The following SLC6A5 variants were observed in gnomAD, a reference collection of about 807,000 sequenced individuals.
SLC6A5 encodes the protein solute carrier family 6 member 5.
In SLC6A5, 58 loss-of-function variants were observed where a neutral mutation model predicts 90.5. The ratio of observed to expected loss-of-function variants is 0.64; its 90% CI spans 0.52 to 0.80. The LOEUF is 0.80. Ranked by LOEUF, SLC6A5 falls within the 30% of genes least tolerant of loss-of-function variation. SLC6A5 has a pLI of 0.00. For missense variants in SLC6A5, 1,015 were observed against 1,017.6 expected (o/e 1.00, Z 0.03); for synonymous variants, 427 against 401.4 (o/e 1.06, Z -0.76).
Position 20,636,313 on chromosome 11 carries a change from G to C in SLC6A5, c.1631G>C (p.Gly544Ala). 6.2e-7 allele frequency: 1 copy of C among 1,607,424 alleles called. No homozygotes were observed. The highest frequency in any genetic ancestry group is 8.5e-7 in the Non-Finnish European group (1 of 1,173,828). The change falls in exon 11 of 16, where the codon GGC (glycine) becomes GCC (alanine). Residue 544 changes from glycine to alanine, a missense_variant. By Grantham distance (60) the Gly-to-Ala change is moderately conservative. Coordinates refer to ENST00000525748, the MANE Select transcript of SLC6A5 (RefSeq NM_004211.5). ...TCTGTCTTGTTCCTTCCAGGGCCAG[G>C]CATTGCATTTGTGGTTTACCCGGAA... ...NIENVADQGPGIAFVVYPEAL... is the reference protein window; with the variant it reads ...NIENVADQGPAIAFVVYPEAL...
At chr11:20,607,400 G>A in intron 4 of SLC6A5, 79 bp from the exon 5 acceptor site, 1 of 1,526,366 alleles carries the variant, frequency 6.6e-7, no homozygotes, top group Non-Finnish European at 9.1e-7. Context: ...CCTAGACCTA[G>A]GTCCCCACCC....
At chr11:20,623,137 G>A (rs564936217) in intron 7 of SLC6A5, among the ~76,000 whole-genome samples, 44 of 152,284 alleles carry the variant, frequency 2.9e-4, no homozygotes, top group African/African-American at 1.0e-3. Flanking sequence ...CAAGGAGGGA[G>A]GAGAGACTGC....
intron 13 of SLC6A5, among the ~76,000 whole-genome samples, chr11:20,643,471 C>T (rs2133815852): frequency 6.6e-6 from 1 of 152,302 alleles, no homozygotes; most frequent in South Asian, 2.1e-4. Flanking sequence ...AAGAAAGCAA[C>T]CTGGAGTGTC....
At position 20,636,370 on chromosome 11, in the gene SLC6A5, G is replaced by A. The variant is rs1590174665; in HGVS notation, c.1688G>A (p.Trp563Ter). The part of the protein sequence containing the change: ...ALTRLPLSPF[W>*]AIIFFLMLLT... ...ACCAGGCTGCCTCTCTCTCCGTTCT[G>A]GGCCATCATCTTTTTCCTGATGCTC... is the stretch of plus-strand genomic sequence containing the variant. Residue 563 changes from tryptophan to a stop codon, truncating the protein, a stop_gained, in exon 11 of 16, where the codon TGG (tryptophan) becomes TAG (stop). Transcript: ENST00000525748. LOFTEE classifies it high-confidence loss of function. 1 of 1,613,924 alleles carries A rather than the reference G, an allele frequency of 6.2e-7. No homozygotes were observed. Among genetic ancestry groups the A allele is most frequent in the Non-Finnish European group, 8.5e-7 (1 of 1,179,844 alleles).
At position 20,601,349 on chromosome 11, in the gene SLC6A5, C is replaced by T. The variant is rs1461875336; in HGVS notation, c.224C>T (p.Pro75Leu). ...GCGCGAGCCTGCGAGGCTGAGCGGC[C>T]AGGAGTGGGGTCTTGCAAACTCAGT... ...ADARACEAER[P>L]GVGSCKLSSP... The change falls in exon 2 of 16, where the codon CCA becomes CTA. Residue 75 changes from proline (P) to leucine (L), a missense_variant. This residue lies in a region of SLC6A5 where 567 missense variants were observed against 507.3 expected (regional missense o/e 1.12). Coordinates refer to ENST00000525748, the MANE Select transcript of SLC6A5 (RefSeq NM_004211.5). 1 of 1,599,928 alleles carries T rather than the reference C, an allele frequency of 6.3e-7. No individual in the cohort carries two copies. The highest frequency in any genetic ancestry group is 8.5e-7 in the Non-Finnish European group (1 of 1,175,634).
At chr11:20,630,915 G>C in intron 10 of SLC6A5, 100 bp downstream of exon 10, 1 of 1,397,306 alleles carries the variant, frequency 7.2e-7, no homozygotes, top group African/African-American at 1.4e-5. Flanking sequence ...TTCTGGAACA[G>C]GATAGAGGGT....
chr11:20,607,004 A>G lies in SLC6A5; in HGVS notation c.680-3A>G. 1 of 1,614,004 alleles carries G rather than the reference A, an allele frequency of 6.2e-7. No individual in the cohort carries two copies. Among genetic ancestry groups the G allele is most frequent in the Non-Finnish European group, 8.5e-7 (1 of 1,180,008 alleles). ...GGCTCTCACTCCCCACTCTCTTTCC[A>G]AGGTGCTTTCCTCATCCCTTACCTG... On this transcript the variant is annotated splice_region_variant and splice_polypyrimidine_tract_variant and intron_variant, in intron 3 of 15. Coordinates refer to ENST00000525748, the MANE Select transcript of SLC6A5 (RefSeq NM_004211.5).
intron 3 of SLC6A5, among the ~76,000 whole-genome samples, chr11:20,606,657 AGGCATG>A (rs1852587135): frequency 6.6e-6 from 1 of 152,118 alleles, no homozygotes; most frequent in South Asian, 2.1e-4. Context: ...AGTGAGTCAA[AGGCATG>A]GACTGGTTGA....
At chr11:20,637,431 A>T in intron 12 of SLC6A5, 128 bp downstream of exon 12, 1 of 811,944 alleles carries the variant, frequency 1.2e-6, no homozygotes, top group Non-Finnish European at 2.1e-6. Context: ...TTCCATGTAG[A>T]TGGCACCAGT....
At position 20,601,646 on chromosome 11, in the gene SLC6A5, T is replaced by A; in HGVS notation, c.521T>A (p.Val174Glu). The part of the protein sequence containing the change: ...DGITSVLPGS[V>E]ATVATQEDEQ... ...ATCACGTCCGTGCTCCCGGGCAGCGTGGCCACCGTTGCCACCCAGGTAAGC... is the reference window on the plus strand; with the variant it reads ...ATCACGTCCGTGCTCCCGGGCAGCGAGGCCACCGTTGCCACCCAGGTAAGC... Residue 174 changes from valine to glutamate, a missense_variant, in exon 2 of 16, where the codon GTG becomes GAG. Coordinates refer to ENST00000525748, the MANE Select transcript of SLC6A5 (RefSeq NM_004211.5). 1 of 1,613,870 alleles carries A rather than the reference T, an allele frequency of 6.2e-7. No individual in the cohort carries two copies. The highest frequency in any genetic ancestry group is 8.5e-7 in the Non-Finnish European group (1 of 1,179,946).
At chr11:20,601,026 T>C (rs1565269358) in intron 1 of SLC6A5, 103 bp from the exon 2 acceptor site, 5 of 1,153,592 alleles carry the variant, frequency 4.3e-6, no homozygotes, top group Non-Finnish European at 4.8e-6. Flanking sequence ...CTTCCCCAGA[T>C]ATTGTGTCTG....
intron 14 of SLC6A5, among the ~76,000 whole-genome samples, chr11:20,650,037 G>A (rs73450290): frequency 0.024 from 3,679 of 152,264 alleles, 155 homozygotes; most frequent in African/African-American, 0.084. Context: ...TAATACAGAT[G>A]CCTTACATCC....
chr11:20,606,457 G>T (rs958240240), intron 3 of SLC6A5, among the ~76,000 whole-genome samples: 6 of 152,190 alleles, frequency 3.9e-5, no homozygotes, highest in African/African-American at 1.4e-4. Flanking sequence ...TGTGTGATGG[G>T]GATGGAGATG....
chr11:20,654,016 GT>G (rs1853592312), intron 15 of SLC6A5, among the ~76,000 whole-genome samples: 1 of 152,230 alleles, frequency 6.6e-6, no homozygotes, highest in South Asian at 2.1e-4. Context: ...TCAGAAATAT[GT>G]TTTCTTTCCT....
intron 13 of SLC6A5, among the ~76,000 whole-genome samples, chr11:20,643,453 G>GTT (rs1853352523): frequency 6.6e-6 from 1 of 152,198 alleles, no homozygotes; most frequent in Admixed American, 6.5e-5. Context: ...GTTCTTGCCT[G>GTT]TAGACCCAAG....
chr11:20,644,754 T>C (rs536259066), intron 13 of SLC6A5, among the ~76,000 whole-genome samples: 1 of 152,144 alleles, frequency 6.6e-6, no homozygotes, highest in Non-Finnish European at 1.5e-5. Context: ...TTCACCCCAA[T>C]GTAACCAGCA....
chr11:20,619,389 G>T (rs1852848191), intron 7 of SLC6A5, among the ~76,000 whole-genome samples: 1 of 152,220 alleles, frequency 6.6e-6, no homozygotes, highest in South Asian at 2.1e-4. Flanking sequence ...ATGTCATGTA[G>T]TTCCACAGGG....
At chr11:20,650,147 A>G (rs1187148329) in intron 14 of SLC6A5, among the ~76,000 whole-genome samples, 1 of 152,106 alleles carries the variant, frequency 6.6e-6, no homozygotes, top group African/African-American at 2.4e-5. Context: ...TGTTTAAGTT[A>G]GGAAGAGAGG....
chr11:20,609,207 C>T (rs772300624), intron 5 of SLC6A5, among the ~76,000 whole-genome samples: 3 of 152,138 alleles, frequency 2.0e-5, no homozygotes, highest in South Asian at 2.1e-4. Context: ...ACATTTTTCA[C>T]GCTGATTGTT....
Sources: allele counts gnomAD v4.1 joint callset (sites outside exome capture counted in the v4.1 genomes callset), GRCh38; gene constraint gnomAD v4.1.1; regional missense constraint gnomAD v4.1.1; transcripts MANE v1.5; gene names NCBI Gene and HGNC (gene_info 2026-07-23, HGNC 2026-07-21).